The following MYO1F variants were observed in gnomAD, a reference collection of about 807,000 sequenced individuals.
The protein encoded by MYO1F is unconventional myosin-If.
Under a neutral mutation model 146.6 loss-of-function variants are expected in MYO1F, and 60 were observed. That is an observed-to-expected ratio of 0.41 (90% confidence interval 0.33 to 0.51). The LOEUF is 0.51. MYO1F is among the 20% of genes least tolerant of loss of function. The probability of loss-of-function intolerance (pLI) is 0.25; values close to 1 mark genes in which losing one functional copy is unlikely to be tolerated. For synonymous variants in MYO1F, 602 were observed against 602.1 expected (o/e 1.00, Z 0.00); for missense variants, 1,274 against 1,534.3 (o/e 0.83, Z 2.83).
chr19:8,524,884 T>C (rs1465949346), intron 25 of MYO1F, among the ~76,000 whole-genome samples: 1 of 152,028 alleles, frequency 6.6e-6, no homozygotes, highest in African/African-American at 2.4e-5. Context: ...AGAATAAATT[T>C]TGTGAATTGG....
At chr19:8,568,447 T>TAAAAAAA (rs2042049292) in intron 1 of MYO1F, among the ~76,000 whole-genome samples, 37 of 100,658 alleles carry the variant, frequency 3.7e-4, no homozygotes, top group African/African-American at 1.5e-3. Flanking sequence ...AAAAAAAAAT[T>TAAAAAAA]AATCACAGGC....
intron 25 of MYO1F, among the ~76,000 whole-genome samples, chr19:8,524,239 T>C (rs986681752): frequency 4.0e-5 from 6 of 150,136 alleles, no homozygotes; most frequent in Non-Finnish European, 1.5e-5. Flanking sequence ...GCCAACATGG[T>C]GAAACCTTGT....
intron 6 of MYO1F, 38 bp from the exon 7 acceptor site, chr19:8,552,202 T>C: frequency 6.2e-7 from 1 of 1,612,910 alleles, no homozygotes; most frequent in Non-Finnish European, 8.5e-7. Context: ...CCCAGTGTCC[T>C]GGGGTGCAGG....
In MYO1F at chr19:8,550,284, A is replaced by G. The variant is rs1973547277; in HGVS notation, c.977T>C (p.Met326Thr). Residue 326 changes from methionine to threonine, a missense_variant, in exon 10 of 28, where the codon ATG becomes ACG. Physicochemically the swap from Met to Thr is moderately conservative, Grantham distance 81. This residue lies in a region of MYO1F where 900 missense variants were observed against 1,155.1 expected (regional missense o/e 0.78). Transcript: ENST00000644032. Reference protein sequence around the residue: ...RLQEKLTSRKMDSRWGGRSES... With the variant: ...RLQEKLTSRKTDSRWGGRSES... ...GCTGCGCCCGCCCCAGCGGCTGTCCATCTTGCGGCTGGTCAGCTTCTCCTG... is the reference window on the plus strand; with the variant it reads ...GCTGCGCCCGCCCCAGCGGCTGTCCGTCTTGCGGCTGGTCAGCTTCTCCTG... 1.2e-6 allele frequency: 2 copies of G among 1,614,136 alleles called. No homozygotes were observed. The highest frequency in any genetic ancestry group is 2.2e-5 in the East Asian group (1 of 44,878).
At chr19:8,553,892 ACACTCT>A (rs1189848091) in intron 4 of MYO1F, among the ~76,000 whole-genome samples, 259 of 105,228 alleles carry the variant, frequency 2.5e-3, no homozygotes, top group East Asian at 0.016. Context: ...ACACACACAC[ACACTCT>A]CTCTCTCTCT....
chr19:8,534,206 A>G (rs1287558305), intron 19 of MYO1F, among the ~76,000 whole-genome samples: 8 of 151,748 alleles, frequency 5.3e-5, no homozygotes, highest in Admixed American at 3.9e-4. Flanking sequence ...TCATCCCAAC[A>G]TGAATGCATT....
At chr19:8,546,513 C>A (rs1973363906) in intron 12 of MYO1F, among the ~76,000 whole-genome samples, 1 of 151,924 alleles carries the variant, frequency 6.6e-6, no homozygotes, top group African/African-American at 2.4e-5. Context: ...GAGCACACCA[C>A]CATGCCTGGC....
At position 8,530,202 on chromosome 19, in the gene MYO1F, G is replaced by A. The variant is rs200001876; in HGVS notation, c.2322C>T (p.Arg774=). The change falls in exon 21 of 28, where the codon CGC becomes CGT. Residue 774 remains arginine, a synonymous_variant. Coordinates refer to ENST00000644032, the MANE Select transcript of MYO1F (RefSeq NM_012335.4). This position sits in a 1 kb window ranked among gnomAD's most constrained non-coding sequence, Gnocchi z 5.8. The part of the protein sequence containing the change: ...FADSVTKYDR[R]FKPIKRDLIL... Reference sequence around the variant, plus strand: ...CCACCCACTAGTGCCTCACCTTGAAGCGGCGGTCGTACTTGGTGACCGAAT... The same window carrying A: ...CCACCCACTAGTGCCTCACCTTGAAACGGCGGTCGTACTTGGTGACCGAAT... The A allele has an allele frequency of 2.4e-5, 39 of 1,614,058 alleles. No individual in the cohort carries two copies. The East Asian group carries it at 8.5e-4, about 35-fold the overall frequency.
chr19:8,553,743 G>T (rs1973711554), intron 4 of MYO1F, among the ~76,000 whole-genome samples: 1 of 151,712 alleles, frequency 6.6e-6, no homozygotes, highest in African/African-American at 2.4e-5. Context: ...ATGGTGGTGG[G>T]CGCCTGTAAT....
intron 19 of MYO1F, among the ~76,000 whole-genome samples, chr19:8,533,333 A>ATTC (rs552758347): frequency 0.12 from 16,236 of 135,632 alleles, 1,207 homozygotes; most frequent in African/African-American, 0.15. Flanking sequence ...CCAGCCTCAG[A>ATTC]TTCTTCTTCT....
intron 1 of MYO1F, among the ~76,000 whole-genome samples, chr19:8,561,625 CTTCT>C (rs1216604233): frequency 1.6e-5 from 2 of 122,774 alleles, no homozygotes; most frequent in Admixed American, 1.1e-4. Context: ...CTCTTTCTTT[CTTCT>C]TTCTTTCCTT....
chr19:8,531,128 G>T (rs113576178), intron 19 of MYO1F, among the ~76,000 whole-genome samples: 19,538 of 151,828 alleles, frequency 0.13, 1,331 homozygotes, highest in East Asian at 0.16. Flanking sequence ...CGGGAAGATC[G>T]CCTGAGGTCG....
intron 25 of MYO1F, among the ~76,000 whole-genome samples, chr19:8,524,587 A>C (rs1275209970): frequency 1.3e-5 from 2 of 151,446 alleles, no homozygotes; most frequent in Non-Finnish European, 1.5e-5. Context: ...TGTCTCAAAA[A>C]AAAAAAAAAA....
intron 22 of MYO1F, 83 bp from the exon 23 acceptor site, chr19:8,527,018 G>A (rs1599914161): frequency 1.3e-6 from 2 of 1,565,324 alleles, no homozygotes; most frequent in African/African-American, 2.7e-5. Context: ...GGCTGAAGGT[G>A]GATTTAGGGA....
chr19:8,551,796 A>G lies in MYO1F; in HGVS notation c.715T>C (p.Ser239Pro). ...TPDYYYYLNQ[S>P]DTYQVDGTDD... ...GTGCCGTCCACCTGGTAGGTGTCCG[A>G]TTGGTTGAGGTAGTAATAGTAGTCC... Residue 239 changes from serine (S) to proline (P), a missense_variant, in exon 8 of 28, where the codon TCG becomes CCG. Physicochemically the swap from Ser to Pro is moderately conservative, Grantham distance 74. Coordinates refer to ENST00000644032, the MANE Select transcript of MYO1F (RefSeq NM_012335.4). The G allele has an allele frequency of 6.2e-7, 1 of 1,614,054 alleles. No individual in the cohort carries two copies. Among genetic ancestry groups the G allele is most frequent in the African/African-American group, 1.3e-5 (1 of 75,016 alleles).
At chr19:8,560,895 C>T (rs946966416) in intron 1 of MYO1F, among the ~76,000 whole-genome samples, 11 of 152,002 alleles carry the variant, frequency 7.2e-5, no homozygotes, top group Non-Finnish European at 8.8e-5. Flanking sequence ...CCCGCCACCA[C>T]GGCGGCTAAT....
chr19:8,534,162 G>C (rs2145847068), intron 19 of MYO1F, among the ~76,000 whole-genome samples: 1 of 146,768 alleles, frequency 6.8e-6, no homozygotes, highest in East Asian at 2.0e-4. Context: ...CTGGGTGACA[G>C]AGCGAGACTC....
intron 12 of MYO1F, among the ~76,000 whole-genome samples, chr19:8,547,069 A>G (rs8104707): frequency 0.2 from 29,882 of 151,830 alleles, 6,100 homozygotes; most frequent in African/African-American, 0.51. Flanking sequence ...AGGCCAAGGC[A>G]GGAGGATTGC....
intron 19 of MYO1F, 36 bp downstream of exon 19, chr19:8,536,216 C>T (rs376620902): frequency 6.3e-7 from 1 of 1,599,622 alleles, no homozygotes; most frequent in Non-Finnish European, 8.5e-7. Flanking sequence ...TCTCTCTTCC[C>T]CTCTCCTTCT....
Sources: allele counts gnomAD v4.1 joint callset (sites outside exome capture counted in the v4.1 genomes callset), GRCh38; gene constraint gnomAD v4.1.1; regional missense constraint gnomAD v4.1.1; non-coding constraint Gnocchi (gnomAD v3.1); transcripts MANE v1.5; gene names NCBI Gene and HGNC (gene_info 2026-07-23, HGNC 2026-07-21).